SHISA6: variants seen among roughly 807,000 people sequenced by gnomAD.
SHISA6 encodes the protein protein shisa-6.
In SHISA6, 22 loss-of-function variants were observed where a neutral mutation model predicts 47.9. The ratio of observed to expected loss-of-function variants is 0.46; its 90% CI spans 0.33 to 0.66. The LOEUF (loss-of-function observed/expected upper bound fraction) is 0.66, where lower values mean the gene tolerates loss of function less well. Among genes scored for constraint, SHISA6 ranks in the 30% least tolerant of loss-of-function variants. The pLI is 0.02. For missense variants in SHISA6, 680 were observed against 764.6 expected (o/e 0.89, Z 1.30); for synonymous variants, 388 against 337.8 (o/e 1.15, Z -1.63).
chr17:11,494,308 C>A (rs1450125754), intron 3 of SHISA6, among the ~76,000 whole-genome samples: 1 of 152,184 alleles, frequency 6.6e-6, no homozygotes, highest in South Asian at 2.1e-4. Flanking sequence ...TGTTAATGTC[C>A]TTGGCCCAGA....
rs558724035 is a variant in SHISA6, at chr17:11,300,012, G to A, written c.799+36486G>A. 2.0e-5 allele frequency among the ~76,000 whole-genome samples: 3 copies of A among 152,134 alleles called. No individual in the cohort carries two copies. In the East Asian group the frequency reaches 5.8e-4, roughly 29 times the overall value. On this transcript the variant is annotated intron_variant, in intron 2 of 5. Transcript: ENST00000441885. ...TACAAAATATTAGCTGGGCGTGGTG[G>A]CATGTGCCTGTAGTCCCAGCTACTT... is the stretch of plus-strand genomic sequence containing the variant.
At chr17:11,290,154 A>G (rs1162825008) in intron 2 of SHISA6, 2 of 151,958 alleles carry the variant, frequency 1.3e-5, no homozygotes, top group African/African-American at 4.8e-5. Context: ...GTCTAATTTT[A>G]TTGCATTTTA....
chr17:11,350,185 T>TA (rs770023770), intron 2 of SHISA6, among the ~76,000 whole-genome samples: 15,728 of 117,780 alleles, frequency 0.13, 1,026 homozygotes, highest in Non-Finnish European at 0.16. Context: ...TTTATTTATT[T>TA]TTTTTTTTTT....
intron 2 of SHISA6, among the ~76,000 whole-genome samples, chr17:11,312,934 G>A (rs1262016622): frequency 6.6e-6 from 1 of 152,128 alleles, no homozygotes; most frequent in African/African-American, 2.4e-5. Context: ...AGGCGTTGAT[G>A]TGCTTATAAA....
chr17:11,320,502 A>T (rs1174204187), intron 2 of SHISA6, among the ~76,000 whole-genome samples: 1 of 152,156 alleles, frequency 6.6e-6, no homozygotes, highest in Non-Finnish European at 1.5e-5. Flanking sequence ...TACTAAAAAT[A>T]CAAAAATTAG....
intron 3 of SHISA6, among the ~76,000 whole-genome samples, chr17:11,420,448 C>T (rs1393645046): frequency 6.6e-6 from 1 of 152,174 alleles, no homozygotes; most frequent in Non-Finnish European, 1.5e-5. Flanking sequence ...TTTATGAACA[C>T]AGGAGAAATT....
intron 2 of SHISA6, among the ~76,000 whole-genome samples, chr17:11,327,213 G>T (rs1910927322): frequency 6.6e-6 from 1 of 152,150 alleles, no homozygotes; most frequent in Admixed American, 6.5e-5. Flanking sequence ...CAGGATAAAA[G>T]GATTCTTCCT....
intron 2 of SHISA6, among the ~76,000 whole-genome samples, chr17:11,368,062 A>G (rs1042730008): frequency 2.0e-5 from 3 of 152,156 alleles, no homozygotes; most frequent in Non-Finnish European, 4.4e-5. Context: ...CCAAAGAATC[A>G]AGAGACAATA....
chr17:11,269,491 C>A (rs1908561676), intron 2 of SHISA6, among the ~76,000 whole-genome samples: 1 of 152,150 alleles, frequency 6.6e-6, no homozygotes, highest in Non-Finnish European at 1.5e-5. Flanking sequence ...CCAGTTCTTT[C>A]CACCCTGCTA....
At chr17:11,507,575 C>G (rs533518062) in intron 3 of SHISA6, among the ~76,000 whole-genome samples, 20 of 152,284 alleles carry the variant, frequency 1.3e-4, no homozygotes, top group Non-Finnish European at 2.4e-4. Flanking sequence ...TGTATTCCCC[C>G]CTTTCCTCTT....
chr17:11,336,060 C>G (rs1458502565), intron 2 of SHISA6, among the ~76,000 whole-genome samples: 1 of 150,548 alleles, frequency 6.6e-6, no homozygotes, highest in Non-Finnish European at 1.5e-5. Flanking sequence ...AATCCAAAAA[C>G]TAGCTGGGCA....
Position 11,420,030 on chromosome 17 carries a change from T to A in SHISA6, c.895+40521T>A, listed in dbSNP as rs571381733. Among the ~76,000 whole-genome samples the A allele has an allele frequency of 3.0e-3, 449 of 152,016 alleles. 1 individual carries two copies. Among genetic ancestry groups the A allele is most frequent in the African/African-American group, 0.01 (434 of 41,472 alleles). On this transcript the variant is annotated intron_variant, in intron 3 of 5. Transcript: ENST00000441885. ...ACCAGCCTGGCCAACATGGTGAAACTCTGTCTCTACTAAAAATACAAAAAT... is the reference window on the plus strand; with the variant it reads ...ACCAGCCTGGCCAACATGGTGAAACACTGTCTCTACTAAAAATACAAAAAT...
At chr17:11,463,356 T>C (rs1404072215) in intron 3 of SHISA6, among the ~76,000 whole-genome samples, 1 of 152,208 alleles carries the variant, frequency 6.6e-6, no homozygotes, top group East Asian at 1.9e-4. Flanking sequence ...ACCACTCCTG[T>C]AAATAGTAAA....
chr17:11,371,621 A>T (rs1912631562), intron 2 of SHISA6, among the ~76,000 whole-genome samples: 1 of 152,112 alleles, frequency 6.6e-6, no homozygotes, highest in Admixed American at 6.5e-5. Context: ...ATGCCTTGTC[A>T]TTTACACATG....
intron 3 of SHISA6, among the ~76,000 whole-genome samples, chr17:11,414,180 C>T (rs1024834825): frequency 3.9e-5 from 6 of 152,028 alleles, no homozygotes; most frequent in Admixed American, 3.9e-4. Context: ...TCTCCTCCTG[C>T]TCCTGCTTCT....
In SHISA6 at chr17:11,366,531, C is replaced by T. The variant is rs551733682; in HGVS notation, c.800-12883C>T. On this transcript the variant is annotated intron_variant, in intron 2 of 5. Coordinates refer to ENST00000441885, the MANE Select transcript of SHISA6 (RefSeq NM_207386.4). ...TGTCTATTTTTAGGAGAAGACTTTT[C>T]TGTGTGTTATGCAGAGAATCTAGAG... Among the ~76,000 whole-genome samples, 62 of 152,278 alleles carry T rather than the reference C, an allele frequency of 4.1e-4. No homozygotes were observed. The South Asian group carries it at 0.012, about 31-fold the overall frequency.
chr17:11,321,207 T>C (rs1277590559), intron 2 of SHISA6, among the ~76,000 whole-genome samples: 1 of 152,194 alleles, frequency 6.6e-6, no homozygotes, highest in Non-Finnish European at 1.5e-5. Context: ...GTAGGGTTAA[T>C]GGAGATATAG....
intron 3 of SHISA6, chr17:11,380,434 T>G (rs765809106): frequency 6.6e-6 from 1 of 152,216 alleles, no homozygotes; most frequent in Non-Finnish European, 1.5e-5. Context: ...TGTGTCTATT[T>G]GTGTCTAAAT....
chr17:11,485,922 T>TA (rs1433933812), intron 3 of SHISA6, among the ~76,000 whole-genome samples: 1 of 152,120 alleles, frequency 6.6e-6, no homozygotes, highest in Admixed American at 6.5e-5. Context: ...TTGCGACCAT[T>TA]ATGGAAATCT....
Sources: allele counts gnomAD v4.1 joint callset (sites outside exome capture counted in the v4.1 genomes callset), GRCh38; gene constraint gnomAD v4.1.1; transcripts MANE v1.5; gene names NCBI Gene and HGNC (gene_info 2026-07-23, HGNC 2026-07-21).